Variants in MBD5 observed in about 807,000 individuals in gnomAD.
The protein encoded by MBD5 is methyl-CpG binding domain protein 5, also known as methyl-CpG-binding domain protein 5.
Under a neutral mutation model 117.3 loss-of-function variants are expected in MBD5, and 13 were observed. The observed-to-expected ratio is 0.11, with a 90% confidence interval of 0.07 to 0.18. MBD5 has a LOEUF of 0.18. Among genes scored for constraint, MBD5 ranks in the 10% least tolerant of loss-of-function variants. The pLI, the probability that MBD5 is intolerant of heterozygous loss-of-function variation, is 1.00. For synonymous variants in MBD5, 727 were observed against 766.4 expected, an observed-to-expected ratio of 0.95 and a Z score of 0.85; for missense variants, 1,879 against 2,093.8, an observed-to-expected ratio of 0.90 and a Z score of 2.00.
chr2:148,035,587 A>G (rs1248545417), intron 1 of MBD5, among the ~76,000 whole-genome samples: 4 of 152,208 alleles, frequency 2.6e-5, no homozygotes, highest in Non-Finnish European at 4.4e-5. Context: ...AAATATTCTC[A>G]TAACTTACAG....
intron 2 of MBD5, among the ~76,000 whole-genome samples, chr2:148,187,751 T>C (rs1450461745): frequency 4.6e-5 from 7 of 151,936 alleles, no homozygotes; most frequent in African/African-American, 1.7e-4. Context: ...AGAGAATTCA[T>C]TGCTAGCAGA....
intron 4 of MBD5, among the ~76,000 whole-genome samples, chr2:148,400,412 CTA>C (rs1704882223): frequency 6.6e-6 from 1 of 152,054 alleles, no homozygotes; most frequent in African/African-American, 2.4e-5. Context: ...AACTCTAACT[CTA>C]TTGCCATCCT....
chr2:148,112,356 T>G lies in MBD5; in HGVS notation c.-924-66344T>G, dbSNP rs75646509. On this transcript the variant is annotated intron_variant, in intron 1 of 13. Coordinates refer to ENST00000642680, the MANE Select transcript of MBD5 (RefSeq NM_001378120.1). ...GTACATTTTATTAGTAGTTCTGCTC[T>G]GTCATAAATATCCTAAACTAAAATG... Among the ~76,000 whole-genome samples, 12 of 152,334 alleles carry G rather than the reference T, an allele frequency of 7.9e-5. No homozygotes were observed. In the East Asian group the frequency reaches 2.1e-3, roughly 27 times the overall value.
rs576254487 is a variant in MBD5, at chr2:148,402,791, T to G, written c.-556-55412T>G. Among the ~76,000 whole-genome samples the G allele has an allele frequency of 2.3e-4, 35 of 152,342 alleles. No homozygotes were observed. In the Middle Eastern group the frequency reaches 0.01, roughly 44 times the overall value. ...TGTTGATGGATATTTGGGTGTTTTT[T>G]GTTTTGATTATCACAAATGGCTATT... On this transcript the variant is annotated intron_variant, in intron 4 of 13. Coordinates refer to ENST00000642680, the MANE Select transcript of MBD5 (RefSeq NM_001378120.1).
At chr2:148,248,610 TA>T (rs1184456960) in intron 3 of MBD5, among the ~76,000 whole-genome samples, 9 of 152,078 alleles carry the variant, frequency 5.9e-5, no homozygotes, top group Non-Finnish European at 1.0e-4. Context: ...ATAAATATTT[TA>T]TATATTAAAA....
chr2:148,098,055 G>T (rs975589004), intron 1 of MBD5, among the ~76,000 whole-genome samples: 2 of 152,212 alleles, frequency 1.3e-5, no homozygotes, highest in African/African-American at 4.8e-5. Flanking sequence ...CAGGTTTCAT[G>T]TGTGATAAAG....
intron 1 of MBD5, among the ~76,000 whole-genome samples, chr2:148,145,064 TTA>T (rs1697416985): frequency 6.6e-6 from 1 of 152,266 alleles, no homozygotes; most frequent in Non-Finnish European, 1.5e-5. Flanking sequence ...ACAATATTTA[TTA>T]TTCCTATTCA....
chr2:148,231,876 A>T (rs1248155413), intron 2 of MBD5, among the ~76,000 whole-genome samples: 1 of 152,196 alleles, frequency 6.6e-6, no homozygotes, highest in Non-Finnish European at 1.5e-5. Context: ...GGAATTATAA[A>T]TACTGTGAAT....
At chr2:148,268,826 T>C (rs534876923) in intron 3 of MBD5, among the ~76,000 whole-genome samples, 1 of 151,996 alleles carries the variant, frequency 6.6e-6, no homozygotes, top group Non-Finnish European at 1.5e-5. Context: ...CCATTTAAAC[T>C]CTACTTCATC....
intron 5 of MBD5, among the ~76,000 whole-genome samples, chr2:148,459,288 G>A (rs902402126): frequency 1.3e-5 from 2 of 152,050 alleles, no homozygotes; most frequent in Non-Finnish European, 2.9e-5. Flanking sequence ...ACTTCTTAAT[G>A]CCTCATGTTA....
At chr2:148,440,048 A>C (rs1271947241) in intron 4 of MBD5, among the ~76,000 whole-genome samples, 1 of 152,150 alleles carries the variant, frequency 6.6e-6, no homozygotes, top group Non-Finnish European at 1.5e-5. Flanking sequence ...GCCTATTCTT[A>C]ATAATGAATT....
chr2:148,119,137 A>C (rs995295465), intron 1 of MBD5, among the ~76,000 whole-genome samples: 1 of 152,194 alleles, frequency 6.6e-6, no homozygotes, highest in Admixed American at 6.5e-5. Context: ...ATTTCAAAAA[A>C]CATAATGGGC....
chr2:148,293,969 A>G (rs1701566686), intron 3 of MBD5, among the ~76,000 whole-genome samples: 1 of 152,212 alleles, frequency 6.6e-6, no homozygotes, highest in Non-Finnish European at 1.5e-5. Flanking sequence ...AATTAAGGAA[A>G]GAAGGAGACG....
intron 4 of MBD5, 149 bp downstream of exon 4, chr2:148,342,485 T>A (rs1034460740): frequency 6.6e-6 from 1 of 152,032 alleles, no homozygotes; most frequent in Non-Finnish European, 1.5e-5. Context: ...ACACGTTGCC[T>A]CTAAAAATTA....
intron 3 of MBD5, among the ~76,000 whole-genome samples, chr2:148,277,026 A>G (rs1574228936): frequency 1.3e-5 from 2 of 152,136 alleles, no homozygotes; most frequent in South Asian, 2.1e-4. Flanking sequence ...TCGGAGAACA[A>G]TTGTGTCTCC....
chr2:148,031,724 G>C (rs1341998252), intron 1 of MBD5, among the ~76,000 whole-genome samples: 1 of 152,128 alleles, frequency 6.6e-6, no homozygotes, highest in Non-Finnish European at 1.5e-5. Context: ...GAGTCCATTG[G>C]AGTCTGAAGT....
intron 1 of MBD5, among the ~76,000 whole-genome samples, chr2:148,047,017 T>C (rs142495389): frequency 3.3e-4 from 50 of 152,304 alleles, no homozygotes; most frequent in African/African-American, 1.0e-3. Flanking sequence ...CAAGATTATG[T>C]TGTGCTCCTT....
intron 4 of MBD5, among the ~76,000 whole-genome samples, chr2:148,404,254 A>T (rs1705011981): frequency 6.6e-6 from 1 of 151,874 alleles, no homozygotes; most frequent in African/African-American, 2.4e-5. Context: ...TGCCTTTAAG[A>T]CTCATTAAGT....
chr2:148,072,083 T>C (rs1234402), intron 1 of MBD5: 84,212 of 151,926 alleles, frequency 0.55, 23,461 homozygotes, highest in Middle Eastern at 0.69. Context: ...CTTTGTATAC[T>C]AGTGTTTATT....
Sources: gnomAD v4.1 joint callset for allele counts (sites outside exome capture counted in the v4.1 genomes callset) on GRCh38, gnomAD v4.1.1 for gene constraint, MANE v1.5 for transcripts, NCBI Gene and HGNC (gene_info 2026-07-23, HGNC 2026-07-21) for gene names.